EYS: variants seen among roughly 807,000 people sequenced by gnomAD.
EYS encodes the protein EGF-like photoreceptor maintenance factor.
EYS carries 250 observed loss-of-function variants against 282.1 expected under a neutral mutation model. That is an observed-to-expected ratio of 0.89 (90% CI 0.80 to 0.98). The LOEUF is 0.98. EYS is among the 50% of genes least tolerant of loss of function. EYS has a pLI of 0.00. For missense variants in EYS, 4,016 were observed against 3,709.0 expected (o/e 1.08, Z -2.15); for synonymous variants, 1,355 against 1,282.9 (o/e 1.06, Z -1.20).
At position 65,249,418 on chromosome 6, in the gene EYS, G is replaced by A. The variant is rs536418719; in HGVS notation, c.2023+46445C>T. On this transcript the variant is annotated intron_variant, in intron 12 of 42. Transcript: ENST00000503581. Reference sequence around the variant, plus strand: ...ACCAAAATTTTTGAGAAACATCTCAGGTCATGCAACTCCCAGTCCAGTATT... The same window carrying A: ...ACCAAAATTTTTGAGAAACATCTCAAGTCATGCAACTCCCAGTCCAGTATT... 2.0e-5 allele frequency among the ~76,000 whole-genome samples: 3 copies of A among 152,068 alleles called. No homozygotes were observed. The East Asian group carries it at 5.8e-4, about 29-fold the overall frequency.
At chr6:65,410,659 G>C (rs1339948316) in intron 5 of EYS, among the ~76,000 whole-genome samples, 1 of 118,820 alleles carries the variant, frequency 8.4e-6, no homozygotes, top group Non-Finnish European at 1.8e-5. Flanking sequence ...TGCAGTTTTT[G>C]TGTTTCTGTG....
intron 5 of EYS, among the ~76,000 whole-genome samples, chr6:65,472,860 AT>A (rs879828721): frequency 5.7e-4 from 86 of 150,730 alleles, no homozygotes; most frequent in Admixed American, 3.6e-3. Flanking sequence ...CTTAAGATTT[AT>A]TTTTTTTTAA....
intron 22 of EYS, among the ~76,000 whole-genome samples, chr6:64,770,112 T>G (rs1269264424): frequency 6.6e-6 from 1 of 151,976 alleles, no homozygotes; most frequent in Non-Finnish European, 1.5e-5. Flanking sequence ...GCTTAGTAGA[T>G]TCTAGAAATG....
intron 41 of EYS, among the ~76,000 whole-genome samples, chr6:63,747,265 G>A (rs1353175689): frequency 1.3e-5 from 2 of 152,194 alleles, no homozygotes; most frequent in Non-Finnish European, 2.9e-5. Context: ...TTTTGAGTGA[G>A]TTTCTTAACA....
intron 31 of EYS, among the ~76,000 whole-genome samples, chr6:64,203,756 T>G (rs1291599691): frequency 2.0e-5 from 3 of 152,184 alleles, no homozygotes; most frequent in Non-Finnish European, 4.4e-5. Flanking sequence ...GTAAATATAT[T>G]TGACTTGTTT....
intron 29 of EYS, among the ~76,000 whole-genome samples, chr6:64,346,190 T>G (rs1771385561): frequency 6.6e-6 from 1 of 152,082 alleles, no homozygotes; most frequent in Non-Finnish European, 1.5e-5. Context: ...GACCCAGCCA[T>G]CCCATTACTG....
chr6:65,113,489 T>C (rs1775279525), intron 12 of EYS, among the ~76,000 whole-genome samples: 1 of 151,950 alleles, frequency 6.6e-6, no homozygotes, highest in African/African-American at 2.4e-5. Flanking sequence ...TAAAACGAGG[T>C]AGTATGGATC....
chr6:64,942,054 G>C (rs1769106859), intron 15 of EYS, among the ~76,000 whole-genome samples: 1 of 152,056 alleles, frequency 6.6e-6, no homozygotes. Flanking sequence ...CACAGTAGCT[G>C]AACTAATTTA....
intron 8 of EYS, among the ~76,000 whole-genome samples, chr6:65,372,265 GA>G (rs1554188842): frequency 6.6e-6 from 1 of 151,850 alleles, no homozygotes. Context: ...AACAACACTC[GA>G]TAACTTTAAG....
chr6:64,153,583 G>T (rs1471807523), intron 31 of EYS, among the ~76,000 whole-genome samples: 2 of 152,186 alleles, frequency 1.3e-5, no homozygotes, highest in African/African-American at 4.8e-5. Context: ...ATTAGGGAAA[G>T]CAAGACAGAT....
intron 22 of EYS, among the ~76,000 whole-genome samples, chr6:64,717,371 C>T (rs879418326): frequency 6.6e-6 from 1 of 152,210 alleles, no homozygotes; most frequent in Non-Finnish European, 1.5e-5. Context: ...ACCACCTCAG[C>T]TCCACCTTAG....
intron 29 of EYS, among the ~76,000 whole-genome samples, chr6:64,310,129 T>G (rs760908293): frequency 6.6e-6 from 1 of 150,804 alleles, no homozygotes; most frequent in African/African-American, 2.4e-5. Flanking sequence ...TTATACACCA[T>G]TGGTGGGTGT....
chr6:64,362,797 T>C (rs1170928540), intron 29 of EYS, among the ~76,000 whole-genome samples: 2 of 151,782 alleles, frequency 1.3e-5, no homozygotes, highest in East Asian at 3.9e-4. Context: ...TCAACAGTAG[T>C]GTCACAAGTT....
At chr6:65,122,448 T>A (rs560158112) in intron 12 of EYS, among the ~76,000 whole-genome samples, 3 of 152,100 alleles carry the variant, frequency 2.0e-5, no homozygotes, top group Non-Finnish European at 4.4e-5. Flanking sequence ...GAAGAGCGTG[T>A]CAATGAGAAA....
chr6:64,471,541 C>T (rs181434834), intron 26 of EYS, among the ~76,000 whole-genome samples: 19 of 143,074 alleles, frequency 1.3e-4, no homozygotes, highest in African/African-American at 4.8e-4. Context: ...GTTAAAAGAC[C>T]TCTATAAGGG....
intron 22 of EYS, among the ~76,000 whole-genome samples, chr6:64,647,283 G>T (rs148927866): frequency 1.1e-4 from 16 of 152,170 alleles, no homozygotes; most frequent in Non-Finnish European, 1.9e-4. Context: ...GTAATACTGA[G>T]AAAGGTCAAA....
At chr6:64,409,697 C>A (rs114573331) in intron 28 of EYS, among the ~76,000 whole-genome samples, 4,717 of 152,136 alleles carry the variant, frequency 0.031, 230 homozygotes, top group African/African-American at 0.11. Flanking sequence ...AAGTAGAAAG[C>A]AAAATGAAAC....
chr6:63,809,187 A>G (rs912013940), intron 36 of EYS, among the ~76,000 whole-genome samples: 12 of 152,230 alleles, frequency 7.9e-5, no homozygotes, highest in African/African-American at 2.7e-4. Flanking sequence ...AGAGGCTTCT[A>G]TGTCTGCACC....
At chr6:64,436,313 TTA>T (rs768848457) in intron 27 of EYS, 48 bp from the exon 28 acceptor site, 6 of 949,502 alleles carry the variant, frequency 6.3e-6, no homozygotes, top group Non-Finnish European at 9.9e-6. Context: ...CAGCATGAAA[TTA>T]ATACCATATA....
Sources: allele counts gnomAD v4.1 joint callset (sites outside exome capture counted in the v4.1 genomes callset), GRCh38; gene constraint gnomAD v4.1.1; transcripts MANE v1.5; gene names NCBI Gene and HGNC (gene_info 2026-07-23, HGNC 2026-07-21).